The following ATP9A variants were observed in gnomAD, a reference collection of about 807,000 sequenced individuals.
ATP9A encodes the protein ATPase phospholipid transporting 9A.
A neutral mutation model predicts 144.1 loss-of-function variants in ATP9A; 52 were observed. The observed-to-expected ratio is 0.36, with a 90% CI of 0.29 to 0.45. The LOEUF is 0.45. Among genes scored for constraint, ATP9A ranks in the 20% least tolerant of loss-of-function variants. The probability of loss-of-function intolerance (pLI) is 1.00; values close to 1 mark genes in which losing one functional copy is unlikely to be tolerated. For synonymous variants in ATP9A, 582 were observed against 557.4 expected, an observed-to-expected ratio of 1.04 and a Z score of -0.62; for missense variants, 947 against 1,392.7, an observed-to-expected ratio of 0.68 and a Z score of 5.09.
chr20:51,662,106 G>A (rs1182922335), intron 13 of ATP9A, among the ~76,000 whole-genome samples: 1 of 152,206 alleles, frequency 6.6e-6, no homozygotes, highest in Non-Finnish European at 1.5e-5. Flanking sequence ...ATAATGAGAA[G>A]CCTGACAGCC....
At chr20:51,708,692 C>T (rs1444022294) in intron 4 of ATP9A, among the ~76,000 whole-genome samples, 1 of 152,264 alleles carries the variant, frequency 6.6e-6, no homozygotes, top group Non-Finnish European at 1.5e-5. Flanking sequence ...GCTGAGATCA[C>T]GCTACTGCAC....
At chr20:51,687,755 C>A (rs969040778) in intron 9 of ATP9A, among the ~76,000 whole-genome samples, 1 of 116,416 alleles carries the variant, frequency 8.6e-6, no homozygotes. Context: ...CAGAATGAGA[C>A]CCTGTCTCAA....
At chr20:51,607,464 G>A in intron 26 of ATP9A, 63 bp downstream of exon 26, 2 of 1,433,078 alleles carry the variant, frequency 1.4e-6, no homozygotes, top group Non-Finnish European at 2.0e-6. Flanking sequence ...CTACAGGCAA[G>A]AAGGGGACAC....
chr20:51,605,073 G>A (rs1044666576), intron 26 of ATP9A, 53 bp from the exon 27 acceptor site: 79 of 1,454,328 alleles, frequency 5.4e-5, no homozygotes, highest in Middle Eastern at 2.5e-4. Context: ...AAAGCCGTGC[G>A]CTGCTCGCCT....
intron 19 of ATP9A, 51 bp from the exon 20 acceptor site, chr20:51,619,094 GAAC>G (rs761479228): frequency 7.8e-6 from 12 of 1,532,710 alleles, no homozygotes; most frequent in Non-Finnish European, 1.1e-5. Flanking sequence ...GGACATGATA[GAAC>G]AACAAACAGT....
chr20:51,678,126 T>TGGCGG (rs2077484696), intron 9 of ATP9A, among the ~76,000 whole-genome samples: 1 of 31,862 alleles, frequency 3.1e-5, no homozygotes, highest in African/African-American at 2.1e-4. Flanking sequence ...CAGGACTGGG[T>TGGCGG]GGCAGGGCGG....
chr20:51,745,138 G>A (rs2077802270), intron 1 of ATP9A, among the ~76,000 whole-genome samples: 1 of 152,070 alleles, frequency 6.6e-6, no homozygotes, highest in Non-Finnish European at 1.5e-5. Context: ...TTAGCCAGGT[G>A]TGGCTGTAGT....
chr20:51,609,360 G>A (rs6067845), intron 24 of ATP9A, among the ~76,000 whole-genome samples: 73,532 of 151,964 alleles, frequency 0.48, 18,353 homozygotes, highest in African/African-American at 0.6. Context: ...CAACACAGTA[G>A]GATGGAAAGC....
At chr20:51,674,546 CA>C (rs1359406311) in intron 10 of ATP9A, among the ~76,000 whole-genome samples, 1 of 152,144 alleles carries the variant, frequency 6.6e-6, no homozygotes, top group East Asian at 1.9e-4. Flanking sequence ...TCATAACAGG[CA>C]TCCAAGGGAA....
chr20:51,623,321 C>A (rs1017793289), intron 18 of ATP9A, among the ~76,000 whole-genome samples: 1 of 152,130 alleles, frequency 6.6e-6, no homozygotes, highest in Non-Finnish European at 1.5e-5. Context: ...ATCAGGTGCA[C>A]GACATGGCTA....
In ATP9A at chr20:51,602,577, T is replaced by A. The variant is rs566324811; in HGVS notation, c.3008-1230A>T. ...TCCACTGTTCACAGGGATGCTCCTT[T>A]AGTTCCTGGAGCGCACAGTAAATGC... On this transcript the variant is annotated intron_variant, in intron 27 of 27. Transcript: ENST00000338821. Among the ~76,000 whole-genome samples the A allele has an allele frequency of 4.6e-5, 7 of 152,360 alleles. No homozygotes were observed. The South Asian group carries it at 1.4e-3, about 32-fold the overall frequency.
chr20:51,697,595 C>T, intron 4 of ATP9A, 113 bp from the exon 5 acceptor site: 1 of 905,980 alleles, frequency 1.1e-6, no homozygotes, highest in Non-Finnish European at 1.7e-6. Flanking sequence ...TACACGCTCC[C>T]ACACACAGCT....
At chr20:51,755,195 T>C (rs2077850478) in intron 1 of ATP9A, among the ~76,000 whole-genome samples, 1 of 152,116 alleles carries the variant, frequency 6.6e-6, no homozygotes, top group South Asian at 2.1e-4. Flanking sequence ...CCCAGCACTT[T>C]GGGAGACCAA....
At chr20:51,648,692 T>C (rs1384191854) in intron 14 of ATP9A, among the ~76,000 whole-genome samples, 2 of 151,876 alleles carry the variant, frequency 1.3e-5, no homozygotes, top group East Asian at 3.9e-4. Context: ...ATTATCCAGG[T>C]GTGGTGGTGT....
chr20:51,763,462 G>A (rs571932057), intron 1 of ATP9A, among the ~76,000 whole-genome samples: 3 of 151,812 alleles, frequency 2.0e-5, no homozygotes, highest in Admixed American at 1.3e-4. Flanking sequence ...ACAAGTGCCC[G>A]CCACCACACC....
intron 1 of ATP9A, among the ~76,000 whole-genome samples, chr20:51,763,878 C>A (rs1419100857): frequency 6.6e-6 from 1 of 152,176 alleles, no homozygotes; most frequent in Non-Finnish European, 1.5e-5. Flanking sequence ...CAACATCACA[C>A]CAGGGCCTCG....
chr20:51,726,947 G>A (rs2077716915), intron 2 of ATP9A, among the ~76,000 whole-genome samples: 1 of 144,444 alleles, frequency 6.9e-6, no homozygotes, highest in Non-Finnish European at 1.5e-5. Context: ...TGTTTAGGAG[G>A]AGGTTTTTGC....
At chr20:51,721,900 G>A (rs1282465865) in intron 3 of ATP9A, among the ~76,000 whole-genome samples, 1 of 151,390 alleles carries the variant, frequency 6.6e-6, no homozygotes, top group East Asian at 1.9e-4. Flanking sequence ...TAAGCAAAAA[G>A]AACAAATCTG....
chr20:51,721,750 A>G (rs2077690052), intron 3 of ATP9A, among the ~76,000 whole-genome samples: 1 of 150,034 alleles, frequency 6.7e-6, no homozygotes, highest in South Asian at 2.1e-4. Flanking sequence ...ACAGTGAGCC[A>G]CGATCACACC....
Sources: gnomAD v4.1 joint callset for allele counts (sites outside exome capture counted in the v4.1 genomes callset) on GRCh38, gnomAD v4.1.1 for gene constraint, MANE v1.5 for transcripts, NCBI Gene and HGNC (gene_info 2026-07-23, HGNC 2026-07-21) for gene names.